Variants in CTNNA2 observed in about 807,000 individuals in gnomAD.
CTNNA2 encodes the protein catenin alpha 2.
A neutral mutation model predicts 101.0 loss-of-function variants in CTNNA2; 42 were observed. That is an observed-to-expected ratio of 0.42 (90% CI 0.32 to 0.54). The LOEUF is 0.54. Ranked by LOEUF, CTNNA2 falls within the 20% of genes least tolerant of loss-of-function variation. The pLI is 0.14. For synonymous variants in CTNNA2, 450 were observed against 456.4 expected (o/e 0.99, Z 0.18); for missense variants, 871 against 1,223.1 (o/e 0.71, Z 4.29).
chr2:80,059,221 G>A (rs1182322657), intron 7 of CTNNA2, among the ~76,000 whole-genome samples: 1 of 152,098 alleles, frequency 6.6e-6, no homozygotes, highest in Non-Finnish European at 1.5e-5. Context: ...TAGTTCAGTT[G>A]CCCCGGCTGG....
chr2:79,486,451 C>T (rs1671159088), intron 4 of CTNNA2, among the ~76,000 whole-genome samples: 1 of 152,140 alleles, frequency 6.6e-6, no homozygotes, highest in African/African-American at 2.4e-5. Flanking sequence ...AAATGTGCCA[C>T]ATTTTCTTAA....
chr2:80,360,186 A>T (rs1674263879), intron 7 of CTNNA2, among the ~76,000 whole-genome samples: 1 of 152,024 alleles, frequency 6.6e-6, no homozygotes, highest in African/African-American at 2.4e-5. Flanking sequence ...CTGATACTTA[A>T]TTTTTTCTGG....
At chr2:80,615,289 G>T (rs960677676) in intron 17 of CTNNA2, among the ~76,000 whole-genome samples, 61 of 151,354 alleles carry the variant, frequency 4.0e-4, no homozygotes, top group Non-Finnish European at 7.0e-4. Flanking sequence ...TCCATAAGTC[G>T]TTTCTAATTT....
intron 2 of CTNNA2, among the ~76,000 whole-genome samples, chr2:79,739,394 G>T (rs1415595547): frequency 1.3e-5 from 2 of 152,102 alleles, no homozygotes; most frequent in African/African-American, 4.8e-5. Flanking sequence ...GCTTACATTT[G>T]CCTTTTATTT....
intron 2 of CTNNA2, among the ~76,000 whole-genome samples, chr2:79,220,268 C>G (rs1674325606): frequency 6.6e-6 from 1 of 152,080 alleles, no homozygotes; most frequent in Non-Finnish European, 1.5e-5. Context: ...AAATTAAGAT[C>G]TCTTATTCCA....
At chr2:80,367,339 C>G (rs60337064) in intron 7 of CTNNA2, among the ~76,000 whole-genome samples, 19,701 of 151,972 alleles carry the variant, frequency 0.13, 2,651 homozygotes, top group African/African-American at 0.34. Flanking sequence ...AGTCTTGTAA[C>G]CACAGGCAAA....
intron 8 of CTNNA2, among the ~76,000 whole-genome samples, chr2:80,414,358 C>T (rs999597104): frequency 3.9e-5 from 6 of 152,176 alleles, no homozygotes; most frequent in African/African-American, 1.4e-4. Flanking sequence ...AACTCTTCAC[C>T]TTTTAATTAT....
rs147353861 is a variant in CTNNA2 at position 80,036,344 on chromosome 2, A to G, written c.1056+126547A>G. Reference sequence around the variant, plus strand: ...TGCAGTTGCTCACACCTGTTATCCCAGCAATTTGGGAGGCCAAGGTGGGAA... The same window carrying G: ...TGCAGTTGCTCACACCTGTTATCCCGGCAATTTGGGAGGCCAAGGTGGGAA... On this transcript the variant is annotated intron_variant, in intron 7 of 18. Coordinates refer to ENST00000402739, the MANE Select transcript of CTNNA2 (RefSeq NM_001282597.3). 1.1e-3 allele frequency among the ~76,000 whole-genome samples: 167 copies of G among 152,328 alleles called. 4 individuals are homozygous for G. Among genetic ancestry groups the G allele is most frequent in the African/African-American group, 3.7e-3 (155 of 41,580 alleles).
chr2:80,623,285 A>G (rs1194603858), intron 18 of CTNNA2, among the ~76,000 whole-genome samples: 2 of 151,888 alleles, frequency 1.3e-5, no homozygotes, highest in African/African-American at 4.8e-5. Flanking sequence ...AAGCACGTGA[A>G]CTAGTAACTA....
intron 6 of CTNNA2, among the ~76,000 whole-genome samples, chr2:79,882,561 C>T (rs1016326738): frequency 6.6e-5 from 10 of 152,250 alleles, no homozygotes; most frequent in Non-Finnish European, 1.3e-4. Context: ...GCCTCCCTGG[C>T]TCCAGCAGGG....
At chr2:79,564,263 T>G (rs1241176251) in intron 1 of CTNNA2, among the ~76,000 whole-genome samples, 1 of 150,636 alleles carries the variant, frequency 6.6e-6, no homozygotes, top group Non-Finnish European at 1.5e-5. Context: ...ATTAATATTT[T>G]AAATTTAAAA....
At chr2:79,961,790 C>A (rs1181672671) in intron 7 of CTNNA2, among the ~76,000 whole-genome samples, 2 of 145,564 alleles carry the variant, frequency 1.4e-5, no homozygotes, top group Admixed American at 1.4e-4. Flanking sequence ...CCACTGCACT[C>A]CAGCCTGGGT....
chr2:79,775,537 C>T lies in CTNNA2; in HGVS notation c.298+30955C>T, dbSNP rs181388989. Among the ~76,000 whole-genome samples the T allele has an allele frequency of 1.1e-3, 167 of 152,112 alleles. 1 individual carries two copies. Among genetic ancestry groups the T allele is most frequent in the African/African-American group, 3.8e-3 (158 of 41,494 alleles). On this transcript the variant is annotated intron_variant, in intron 3 of 18. Coordinates refer to ENST00000402739, the MANE Select transcript of CTNNA2 (RefSeq NM_001282597.3). ...GTTTATTACATAGGTAAACATGTGC[C>T]GTGGTGGTTTGCTGCACCTATCAAC...
intron 7 of CTNNA2, among the ~76,000 whole-genome samples, chr2:80,081,771 G>A (rs921316600): frequency 2.5e-5 from 3 of 121,578 alleles, no homozygotes; most frequent in African/African-American, 1.1e-4. Flanking sequence ...CTCTATTTCT[G>A]TGTGTGTCTG....
At chr2:80,448,950 GC>G (rs1206590722) in intron 9 of CTNNA2, among the ~76,000 whole-genome samples, 2 of 152,008 alleles carry the variant, frequency 1.3e-5, no homozygotes, top group African/African-American at 2.4e-5. Flanking sequence ...TCAAATTTCT[GC>G]CATATATTTG....
chr2:80,072,123 A>G (rs532351941), intron 7 of CTNNA2, among the ~76,000 whole-genome samples: 1 of 152,322 alleles, frequency 6.6e-6, no homozygotes, highest in African/African-American at 2.4e-5. Context: ...CTTTAAAAAT[A>G]GTGTCAACTC....
In CTNNA2 at chr2:79,874,321, T is replaced by G; in HGVS notation, c.831T>G (p.Ala277=). Residue 277 remains alanine, a synonymous_variant, in exon 6 of 19, where the codon GCT becomes GCG. Coordinates refer to ENST00000402739, the MANE Select transcript of CTNNA2 (RefSeq NM_001282597.3). ...GCCACACGGGCATCGGCGAGCTGGC[T>G]GCGGCTCTTAATGAGTTTGACGTAA... ...AKGHTGIGEL[A]AALNEFDNKI... is the part of the protein sequence containing the mutation. 1.2e-6 allele frequency: 2 copies of G among 1,613,752 alleles called. No homozygotes were observed. Among genetic ancestry groups the G allele is most frequent in the Non-Finnish European group, 8.5e-7 (1 of 1,179,986 alleles).
At chr2:79,281,415 G>C (rs901809093) in intron 2 of CTNNA2, 1 of 152,158 alleles carries the variant, frequency 6.6e-6, no homozygotes, top group Non-Finnish European at 1.5e-5. Context: ...CTTTCTCTGA[G>C]CTGACCTATA....
chr2:79,508,955 GTA>G (rs530470576), upstream of CTNNA2, among the ~76,000 whole-genome samples: 1 of 90,984 alleles, frequency 1.1e-5, no homozygotes, highest in African/African-American at 4.0e-5. Flanking sequence ...CACCATTGCA[GTA>G]TATATATATA....
Sources: allele counts gnomAD v4.1 joint callset (sites outside exome capture counted in the v4.1 genomes callset), GRCh38; gene constraint gnomAD v4.1.1; transcripts MANE v1.5; gene names NCBI Gene and HGNC (gene_info 2026-07-23, HGNC 2026-07-21).